Variants in GRM8 observed in about 807,000 individuals in gnomAD.
GRM8 encodes the protein metabotropic glutamate receptor 8.
GRM8 carries 47 observed loss-of-function variants against 87.2 expected under a neutral mutation model. The observed-to-expected ratio is 0.54, with a 90% confidence interval of 0.43 to 0.69. The LOEUF (loss-of-function observed/expected upper bound fraction) is 0.69, where lower values mean the gene tolerates loss of function less well. Among genes scored for constraint, GRM8 ranks in the 30% least tolerant of loss-of-function variants. The pLI, the probability that GRM8 is intolerant of heterozygous loss-of-function variation, is 0.00. For synonymous variants in GRM8, 396 were observed against 404.5 expected (o/e 0.98, Z 0.25); for missense variants, 1,019 against 1,139.2 (o/e 0.89, Z 1.52).
In GRM8 at chr7:126,539,560, A is replaced by G. The variant is rs1414341974; in HGVS notation, c.1495-5673T>C. Among the ~76,000 whole-genome samples, 6 of 152,114 alleles carry G rather than the reference A, an allele frequency of 3.9e-5. No homozygotes were observed. The South Asian group carries it at 1.2e-3, about 31-fold the overall frequency. The stretch of plus-strand genomic sequence containing the variant: ...AAAACTTATTACAAAGAATGTCATA[A>G]TCAAGACAACATAGTACAGGCATAA... On this transcript the variant is annotated intron_variant, in intron 8 of 10. Coordinates refer to ENST00000339582, the MANE Select transcript of GRM8 (RefSeq NM_000845.3).
At position 126,923,331 on chromosome 7, in the gene GRM8, T is replaced by C. The variant is rs1402570271; in HGVS notation, c.728-18648A>G. On this transcript the variant is annotated intron_variant, in intron 3 of 10. Coordinates refer to ENST00000339582, the MANE Select transcript of GRM8 (RefSeq NM_000845.3). ...TGCCTGGGTTTAAAGCATCTGCTTT[T>C]CATGTAAGTCAACACTAACCTACTA... 2.0e-5 allele frequency among the ~76,000 whole-genome samples: 3 copies of C among 152,196 alleles called. No individual in the cohort carries two copies. In the East Asian group the frequency reaches 5.8e-4, roughly 29 times the overall value.
chr7:126,724,334 C>T (rs141729453), intron 7 of GRM8, among the ~76,000 whole-genome samples: 43 of 152,220 alleles, frequency 2.8e-4, no homozygotes, highest in Non-Finnish European at 4.6e-4. Context: ...TGAAAGGCTT[C>T]CTGCTGAGTC....
chr7:126,746,458 A>T (rs1164000077), intron 7 of GRM8, among the ~76,000 whole-genome samples: 1 of 151,778 alleles, frequency 6.6e-6, no homozygotes, highest in Non-Finnish European at 1.5e-5. Context: ...CCATCATAAC[A>T]GTACCCTAAA....
intron 2 of GRM8, among the ~76,000 whole-genome samples, chr7:127,166,465 G>A (rs1441257840): frequency 1.3e-5 from 2 of 152,092 alleles, no homozygotes; most frequent in African/African-American, 2.4e-5. Flanking sequence ...TGTGATAAAT[G>A]AAGGCCATAC....
chr7:126,845,684 G>A (rs1796653216), intron 6 of GRM8, among the ~76,000 whole-genome samples: 1 of 152,168 alleles, frequency 6.6e-6, no homozygotes, highest in Non-Finnish European at 1.5e-5. Context: ...ATAAATATTT[G>A]TATCTTTGTT....
chr7:126,762,021 G>T (rs1238934492), intron 7 of GRM8, among the ~76,000 whole-genome samples: 1 of 152,050 alleles, frequency 6.6e-6, no homozygotes, highest in South Asian at 2.1e-4. Flanking sequence ...TTAGTAACAG[G>T]TTTCTGTACC....
chr7:126,900,181 G>T (rs1251788274), intron 6 of GRM8, among the ~76,000 whole-genome samples: 2 of 152,126 alleles, frequency 1.3e-5, no homozygotes, highest in Non-Finnish European at 2.9e-5. Flanking sequence ...AACTGTCTGT[G>T]GGGTCCCAGA....
intron 9 of GRM8, among the ~76,000 whole-genome samples, chr7:126,487,411 T>C (rs1171064059): frequency 6.6e-6 from 1 of 151,950 alleles, no homozygotes; most frequent in Admixed American, 6.6e-5. Context: ...ACTACAGGCA[T>C]GTGCCACCAC....
intron 6 of GRM8, among the ~76,000 whole-genome samples, chr7:126,788,191 C>T (rs1291640221): frequency 6.6e-6 from 1 of 151,790 alleles, no homozygotes; most frequent in Non-Finnish European, 1.5e-5. Context: ...GGGAGGATTA[C>T]CTGAGGTCAG....
rs146446309 is a variant in GRM8 at position 126,497,938 on chromosome 7, G to A, written c.2430+35014C>T. On this transcript the variant is annotated intron_variant, in intron 9 of 10. Coordinates refer to ENST00000339582, the MANE Select transcript of GRM8 (RefSeq NM_000845.3). Reference sequence around the variant, plus strand: ...TCTTGCTTCTTGAATGGAACATAAAGTGCAAGGGAATAATTGGAGTGCAAC... The same window carrying A: ...TCTTGCTTCTTGAATGGAACATAAAATGCAAGGGAATAATTGGAGTGCAAC... 5.7e-4 allele frequency among the ~76,000 whole-genome samples: 87 copies of A among 152,066 alleles called. 2 individuals are homozygous for A. The East Asian group carries it at 0.016, about 28-fold the overall frequency.
At chr7:126,758,608 G>A (rs1204832020) in intron 7 of GRM8, among the ~76,000 whole-genome samples, 3 of 152,000 alleles carry the variant, frequency 2.0e-5, no homozygotes, top group Non-Finnish European at 4.4e-5. Flanking sequence ...AATACAAATG[G>A]CACAGTTTGG....
chr7:126,855,727 G>C (rs939078236), intron 6 of GRM8, among the ~76,000 whole-genome samples: 1 of 152,006 alleles, frequency 6.6e-6, no homozygotes, highest in Non-Finnish European at 1.5e-5. Context: ...AAACCGCCTT[G>C]GTCTCCCAAA....
chr7:126,847,881 G>A (rs1285288161), intron 6 of GRM8, among the ~76,000 whole-genome samples: 7 of 152,142 alleles, frequency 4.6e-5, no homozygotes, highest in Non-Finnish European at 2.9e-5. Flanking sequence ...TCCACTTTGG[G>A]AACTAAAATC....
At chr7:126,460,447 A>C (rs1336651642) in intron 9 of GRM8, among the ~76,000 whole-genome samples, 4 of 151,660 alleles carry the variant, frequency 2.6e-5, no homozygotes, top group Non-Finnish European at 5.9e-5. Flanking sequence ...TAAAACACCC[A>C]GTAATCACAA....
intron 7 of GRM8, among the ~76,000 whole-genome samples, chr7:126,701,368 T>C (rs1177807779): frequency 6.6e-6 from 1 of 152,116 alleles, no homozygotes. Flanking sequence ...TTATATATGT[T>C]AAAAGTACTT....
intron 3 of GRM8, among the ~76,000 whole-genome samples, chr7:126,994,375 G>A (rs1189407513): frequency 2.0e-5 from 3 of 152,196 alleles, no homozygotes; most frequent in Non-Finnish European, 4.4e-5. Flanking sequence ...GTAAGACTCT[G>A]AGACATGCTG....
chr7:127,228,340 T>C (rs1202588932), intron 2 of GRM8: 1 of 152,218 alleles, frequency 6.6e-6, no homozygotes, highest in Admixed American at 6.5e-5. Flanking sequence ...AAGCTGTCAA[T>C]AAACATTACC....
chr7:126,598,225 AT>A (rs36054386), intron 8 of GRM8, among the ~76,000 whole-genome samples: 124,884 of 151,638 alleles, frequency 0.82, 51,801 homozygotes, highest in East Asian at 0.94. Context: ...GTTTTTTCCT[AT>A]TTTTTTTATA....
chr7:126,965,706 C>CA (rs1002722061), intron 3 of GRM8, among the ~76,000 whole-genome samples: 12 of 151,908 alleles, frequency 7.9e-5, no homozygotes, highest in Non-Finnish European at 1.6e-4. Context: ...CTTATTTTCT[C>CA]AAAAAAATTC....
Sources: gnomAD v4.1 joint callset for allele counts (sites outside exome capture counted in the v4.1 genomes callset) on GRCh38, gnomAD v4.1.1 for gene constraint, MANE v1.5 for transcripts, NCBI Gene and HGNC (gene_info 2026-07-23, HGNC 2026-07-21) for gene names.